The following PRRC2B variants were observed in gnomAD, a reference collection of about 807,000 sequenced individuals.
PRRC2B encodes the protein protein PRRC2B.
A neutral mutation model predicts 242.3 loss-of-function variants in PRRC2B; 68 were observed. That is an observed-to-expected ratio of 0.28 (90% confidence interval 0.23 to 0.34). The LOEUF (loss-of-function observed/expected upper bound fraction) is 0.34, where lower values mean the gene tolerates loss of function less well. Among genes scored for constraint, PRRC2B ranks in the 10% least tolerant of loss-of-function variants. The probability of loss-of-function intolerance (pLI) is 1.00; values close to 1 mark genes in which losing one functional copy is unlikely to be tolerated. For missense variants in PRRC2B, 2,835 were observed against 2,954.8 expected, an observed-to-expected ratio of 0.96 and a Z score of 0.94; for synonymous variants, 1,228 against 1,173.6, an observed-to-expected ratio of 1.05 and a Z score of -0.95.
intron 28 of PRRC2B, 70 bp from the exon 29 acceptor site, chr9:131,491,355 C>T (rs924429610): frequency 2.8e-6 from 4 of 1,429,544 alleles, no homozygotes; most frequent in East Asian, 2.5e-5. Flanking sequence ...CATGTGCGGT[C>T]GCTCTTTGGT....
intron 1 of PRRC2B, among the ~76,000 whole-genome samples, chr9:131,422,478 G>C (rs1837872409): frequency 6.6e-6 from 1 of 152,240 alleles, no homozygotes; most frequent in Admixed American, 6.5e-5. Context: ...TTAGCAGGGT[G>C]CCTGGCCCTT....
At chr9:131,491,396 C>G in intron 28 of PRRC2B, 29 bp from the exon 29 acceptor site, 1 of 1,562,728 alleles carries the variant, frequency 6.4e-7, no homozygotes, top group South Asian at 1.2e-5. Flanking sequence ...GCATCATTCC[C>G]CCTCCTGACT....
intron 1 of PRRC2B, among the ~76,000 whole-genome samples, chr9:131,400,059 G>T (rs1837187623): frequency 6.6e-6 from 1 of 152,050 alleles, no homozygotes. Context: ...TCCCTCTCCA[G>T]CCTTGAGCCC....
chr9:131,391,825 C>T (rs1836903189), upstream of PRRC2B, among the ~76,000 whole-genome samples: 1 of 152,136 alleles, frequency 6.6e-6, no homozygotes, highest in Admixed American at 6.5e-5. Flanking sequence ...ACTGCAACCT[C>T]CACCTCCTGG....
intron 1 of PRRC2B, among the ~76,000 whole-genome samples, chr9:131,414,585 T>A: frequency 6.7e-6 from 1 of 149,648 alleles, no homozygotes; most frequent in Non-Finnish European, 1.5e-5. Flanking sequence ...TTTTTTTTTT[T>A]TGGAGATGGA....
At chr9:131,454,533 G>C (rs1320171806) in intron 9 of PRRC2B, among the ~76,000 whole-genome samples, 1 of 152,188 alleles carries the variant, frequency 6.6e-6, no homozygotes, top group African/African-American at 2.4e-5. Flanking sequence ...TCAGTCACAG[G>C]GGTAGGCAGC....
chr9:131,452,694 G>C (rs989969133), intron 9 of PRRC2B, among the ~76,000 whole-genome samples: 1 of 152,062 alleles, frequency 6.6e-6, no homozygotes, highest in Non-Finnish European at 1.5e-5. Flanking sequence ...CTTGTTTTCT[G>C]TATCTATTTT....
rs919878750 is a variant in PRRC2B at position 131,387,593 on chromosome 9, T to A, written c.-56+13862T>A. Among the ~76,000 whole-genome samples, 5 of 150,180 alleles carry A rather than the reference T, an allele frequency of 3.3e-5. No individual in the cohort carries two copies. The Admixed American group carries it at 3.5e-4, about 10-fold the overall frequency. The stretch of plus-strand genomic sequence containing the variant: ...TGTGCCAGACTTAATCCCTGAGGGA[T>A]TTGCATCAAATAAGACAGATGCGGT... On this transcript the variant is annotated intron_variant, in intron 1 of 1. Coordinates refer to the PRRC2B transcript ENST00000682525.
intron 12 of PRRC2B, among the ~76,000 whole-genome samples, chr9:131,466,171 T>C (rs185501786): frequency 3.9e-5 from 6 of 152,382 alleles, no homozygotes. Context: ...AAGGGGATGT[T>C]TGAGGCTCTG....
intron 1 of PRRC2B, among the ~76,000 whole-genome samples, chr9:131,402,850 C>T (rs1228322754): frequency 1.3e-5 from 2 of 152,122 alleles, no homozygotes; most frequent in African/African-American, 4.8e-5. Context: ...CAGAGAGTGC[C>T]GAGGCCCTTT....
At chr9:131,489,805 G>A (rs4567091) in intron 28 of PRRC2B, among the ~76,000 whole-genome samples, 110,671 of 151,942 alleles carry the variant, frequency 0.73, 41,394 homozygotes, top group East Asian at 0.98. Flanking sequence ...ATCCCTTCCC[G>A]TCAGTACACA....
rs764223264 is a variant in PRRC2B at position 131,444,176 on chromosome 9, T to C, written c.470-9T>C. 6.2e-7 allele frequency: 1 copy of C among 1,613,972 alleles called. No individual in the cohort carries two copies. The highest frequency in any genetic ancestry group is 8.5e-7 in the Non-Finnish European group (1 of 1,179,864). On this transcript the variant is annotated splice_polypyrimidine_tract_variant and intron_variant, in intron 5 of 31. Transcript: ENST00000683519. The stretch of plus-strand genomic sequence containing the variant: ...CACTTCCTCCATGTCTACCCCGTCT[T>C]CTTGACAGGTTTAAGGGGCTCAAGC...
At chr9:131,422,086 C>T (rs994240269) in intron 1 of PRRC2B, among the ~76,000 whole-genome samples, 1 of 152,026 alleles carries the variant, frequency 6.6e-6, no homozygotes, top group Admixed American at 6.6e-5. Context: ...ATGGGTGTCT[C>T]ACTCTGTTCC....
chr9:131,389,888 C>A (rs971603137), upstream of PRRC2B, among the ~76,000 whole-genome samples: 24 of 148,258 alleles, frequency 1.6e-4, 1 homozygote, highest in African/African-American at 5.6e-4. Context: ...GGAGACAGAA[C>A]CAGAACTAAA....
intron 11 of PRRC2B, among the ~76,000 whole-genome samples, chr9:131,459,955 G>C (rs1047680169): frequency 9.0e-6 from 1 of 110,806 alleles, no homozygotes; most frequent in African/African-American, 3.7e-5. Flanking sequence ...GGCCAACACA[G>C]TGAAACCCTA....
chr9:131,421,275 C>T (rs1277096337), intron 1 of PRRC2B, among the ~76,000 whole-genome samples: 1 of 152,170 alleles, frequency 6.6e-6, no homozygotes, highest in Non-Finnish European at 1.5e-5. Flanking sequence ...GGTCAGTAAA[C>T]GTTTGAGTAT....
At chr9:131,453,148 T>C (rs1942973012) in intron 9 of PRRC2B, among the ~76,000 whole-genome samples, 1 of 152,244 alleles carries the variant, frequency 6.6e-6, no homozygotes, top group Admixed American at 6.5e-5. Context: ...TCTGGTGTGT[T>C]TCCACATTTC....
intron 6 of PRRC2B, among the ~76,000 whole-genome samples, chr9:131,444,924 G>A (rs1276727964): frequency 6.6e-6 from 1 of 152,178 alleles, no homozygotes; most frequent in African/African-American, 2.4e-5. Flanking sequence ...GTGGTGTTTA[G>A]GAATGTGATT....
intron 1 of PRRC2B, among the ~76,000 whole-genome samples, chr9:131,394,769 G>C (rs1836996383): frequency 6.6e-6 from 1 of 151,794 alleles, no homozygotes. Context: ...GCGTTCGCGG[G>C]GCCGTTCCTG....
Sources: allele counts gnomAD v4.1 joint callset (sites outside exome capture counted in the v4.1 genomes callset), GRCh38; gene constraint gnomAD v4.1.1; transcripts MANE v1.5; gene names NCBI Gene and HGNC (gene_info 2026-07-23, HGNC 2026-07-21).